Variants in ABCG1 observed in about 807,000 individuals in gnomAD.
ABCG1 encodes the protein ATP binding cassette subfamily G member 1, also known as ATP-binding cassette sub-family G member 1.
ABCG1 carries 29 observed loss-of-function variants against 69.2 expected under a neutral mutation model. That is an observed-to-expected ratio of 0.42 (90% CI 0.31 to 0.57). ABCG1 has a LOEUF of 0.57. Among genes scored for constraint, ABCG1 ranks in the 20% least tolerant of loss-of-function variants. The pLI, the probability that ABCG1 is intolerant of heterozygous loss-of-function variation, is 0.15. For missense variants in ABCG1, 718 were observed against 898.1 expected (o/e 0.80, Z 2.56); for synonymous variants, 370 against 374.8 (o/e 0.99, Z 0.15).
At chr21:42,274,118 C>T (rs1476371477) in intron 4 of ABCG1, among the ~76,000 whole-genome samples, 1 of 152,240 alleles carries the variant, frequency 6.6e-6, no homozygotes, top group Non-Finnish European at 1.5e-5. Context: ...CCCTGCCGTG[C>T]ACCTGCTTTA....
intron 2 of ABCG1, chr21:42,259,256 A>G: frequency 1.4e-6 from 2 of 1,472,032 alleles, no homozygotes; most frequent in Non-Finnish European, 1.8e-6. Flanking sequence ...AGCAAAGCAC[A>G]GCCTGGAGAC....
intron 6 of ABCG1, among the ~76,000 whole-genome samples, chr21:42,283,716 A>C (rs8130374): frequency 0.73 from 33,387 of 45,458 alleles, 11,053 homozygotes; most frequent in South Asian, 0.77. Context: ...GTGAAGTACC[A>C]CCCACCACCC....
At chr21:42,231,972 C>A (rs1389020885) in intron 2 of ABCG1, among the ~76,000 whole-genome samples, 4 of 152,194 alleles carry the variant, frequency 2.6e-5, no homozygotes, top group African/African-American at 9.7e-5. Flanking sequence ...GACAAAGAGT[C>A]TGCCTTGGAG....
Position 42,201,441 on chromosome 21 carries a change from T to A in ABCG1, c.-99-136T>A. 5.8e-6 allele frequency: 3 copies of A among 516,316 alleles called. No homozygotes were observed. In the South Asian group the frequency reaches 6.3e-5, roughly 11 times the overall value. 32.0% of individuals were successfully genotyped at this position (516,316 alleles called of 1,614,324 possible). On this transcript the variant is annotated intron_variant, in intron 1 of 15. Coordinates refer to the ABCG1 transcript ENST00000398457. The stretch of plus-strand genomic sequence containing the variant: ...CTCGCTTGCCGCTCACCTCCTGCTG[T>A]GTGGCCCCATTCCTAACGGGCCACG...
intron 1 of ABCG1, among the ~76,000 whole-genome samples, chr21:42,201,344 G>A (rs1372348037): frequency 1.3e-5 from 2 of 152,054 alleles, no homozygotes; most frequent in Admixed American, 1.3e-4. Flanking sequence ...CTCACAATAG[G>A]GTTTTCACTC....
chr21:42,224,368 C>T (rs1465080103), intron 1 of ABCG1, among the ~76,000 whole-genome samples: 2 of 152,164 alleles, frequency 1.3e-5, no homozygotes, highest in Admixed American at 6.5e-5. Flanking sequence ...GAGGAGGCTT[C>T]GGGGTCGCTC....
At chr21:42,203,393 C>T (rs1485993764) in intron 2 of ABCG1, among the ~76,000 whole-genome samples, 2 of 152,130 alleles carry the variant, frequency 1.3e-5, no homozygotes, top group Non-Finnish European at 2.9e-5. Flanking sequence ...AAGATTTCCT[C>T]CTAATATTTT....
intron 2 of ABCG1, among the ~76,000 whole-genome samples, chr21:42,269,031 C>T (rs987611559): frequency 6.6e-6 from 1 of 152,204 alleles, no homozygotes; most frequent in African/African-American, 2.4e-5. Context: ...GGGAGAGAGG[C>T]TTCTCAGAGC....
intron 2 of ABCG1, among the ~76,000 whole-genome samples, chr21:42,238,394 G>T (rs1027932790): frequency 6.6e-6 from 1 of 152,166 alleles, no homozygotes; most frequent in Non-Finnish European, 1.5e-5. Flanking sequence ...TCCTCCAAGA[G>T]AATCTTTGTA....
At chr21:42,215,929 G>A (rs751280190), upstream of ABCG1, 82 of 265,640 alleles carry the variant, frequency 3.1e-4, no homozygotes, top group Non-Finnish European at 5.2e-4. Context: ...TAGTTTGGCT[G>A]TGTCCCCACC....
intron 2 of ABCG1, chr21:42,259,872 CA>C: frequency 7.0e-7 from 1 of 1,437,508 alleles, no homozygotes. Flanking sequence ...AGGCCAATGG[CA>C]AAGGAGCACA....
intron 2 of ABCG1, among the ~76,000 whole-genome samples, chr21:42,255,237 G>A (rs1356915973): frequency 6.6e-6 from 1 of 152,234 alleles, no homozygotes; most frequent in Non-Finnish European, 1.5e-5. Context: ...AGCCAGTGGG[G>A]CGCGGTGTGC....
chr21:42,296,954 C>G lies in ABCG1; in HGVS notation c.*562C>G, dbSNP rs947225521. ...TCGCATTCATTTTAAGAAATTATAC[C>G]TTTTTAGTACTTGCTGAAGAATGAT... is the stretch of plus-strand genomic sequence containing the variant. On this transcript the variant is annotated 3_prime_UTR_variant, in exon 15 of 15. Coordinates refer to ENST00000398449, the MANE Select transcript of ABCG1 (RefSeq NM_016818.3). This position sits in a 1 kb window ranked among gnomAD's most constrained non-coding sequence, Gnocchi z 5.4. 2 of 161,176 alleles carry G rather than the reference C, an allele frequency of 1.2e-5. No individual in the cohort carries two copies. The highest frequency in any genetic ancestry group is 4.8e-5 in the African/African-American group (2 of 41,476). 10.0% of individuals were successfully genotyped at this position (161,176 alleles called of 1,614,324 possible).
In ABCG1 at chr21:42,285,772, GCTGA is replaced by G. The variant is rs1030568024; in HGVS notation, c.859-103_859-100del. 3.8e-6 allele frequency: 3 copies of G among 787,590 alleles called. No homozygotes were observed. The African/African-American group carries it at 5.1e-5, about 13-fold the overall frequency. The allele number at this position is 787,590 out of a possible 1,614,324, so 48.8% of individuals were successfully genotyped here. The stretch of plus-strand genomic sequence containing the variant: ...AGGAGAGGAAGTGGCTGATCGCTGG[GCTGA>G]CTGATTGATCGGTTGATTGATTGGT... On this transcript the variant is annotated intron_variant, in intron 7 of 14. Coordinates refer to ENST00000398449, the MANE Select transcript of ABCG1 (RefSeq NM_016818.3).
chr21:42,205,456 G>C (rs1247067312), intron 2 of ABCG1, among the ~76,000 whole-genome samples: 2 of 152,032 alleles, frequency 1.3e-5, no homozygotes, highest in African/African-American at 4.8e-5. Flanking sequence ...AAAATTAGCT[G>C]GGTGTGGTGG....
At chr21:42,212,945 G>T (rs2067604358), upstream of ABCG1, among the ~76,000 whole-genome samples, 1 of 152,102 alleles carries the variant, frequency 6.6e-6, no homozygotes, top group African/African-American at 2.4e-5. Flanking sequence ...CGCCCGCCTT[G>T]GCCTCCCAAA....
intron 2 of ABCG1, among the ~76,000 whole-genome samples, chr21:42,209,022 C>G (rs933354827): frequency 1.3e-5 from 2 of 152,076 alleles, no homozygotes; most frequent in Admixed American, 1.3e-4. Context: ...GTCTCGGAGC[C>G]TGGAAAGGGG....
At chr21:42,246,833 C>G (rs2068140795) in intron 2 of ABCG1, among the ~76,000 whole-genome samples, 1 of 151,944 alleles carries the variant, frequency 6.6e-6, no homozygotes, top group Admixed American at 6.6e-5. Context: ...ATCTTATATG[C>G]CTGTATTTAT....
At chr21:42,266,537 C>T (rs2068508786) in intron 2 of ABCG1, among the ~76,000 whole-genome samples, 1 of 152,172 alleles carries the variant, frequency 6.6e-6, no homozygotes, top group Middle Eastern at 3.4e-3. Flanking sequence ...TGGAATATCC[C>T]AAGGGATTTG....
Sources: allele counts gnomAD v4.1 joint callset (sites outside exome capture counted in the v4.1 genomes callset), GRCh38; gene constraint gnomAD v4.1.1; non-coding constraint Gnocchi (gnomAD v3.1); transcripts MANE v1.5; gene names NCBI Gene and HGNC (gene_info 2026-07-23, HGNC 2026-07-21).